Variants in KLRF1 observed in about 807,000 individuals in gnomAD.
The protein encoded by KLRF1 is killer cell lectin-like receptor subfamily F member 1.
KLRF1 carries 27 observed loss-of-function variants against 30.7 expected under a neutral mutation model. The observed-to-expected ratio is 0.88, with a 90% CI of 0.65 to 1.21. The LOEUF (loss-of-function observed/expected upper bound fraction) is 1.21, where lower values mean the gene tolerates loss of function less well. Ranked by LOEUF, KLRF1 falls within the 50% of genes most tolerant of loss-of-function variation. The pLI is 0.00. For synonymous variants in KLRF1, 92 were observed against 89.3 expected (o/e 1.03, Z -0.17); for missense variants, 246 against 259.3 (o/e 0.95, Z 0.35).
At chr12:9,825,258 G>T (rs1867266247), upstream of KLRF1, among the ~76,000 whole-genome samples, 1 of 45,928 alleles carries the variant, frequency 2.2e-5, no homozygotes, top group African/African-American at 6.2e-5. Context: ...ACAAGGTACT[G>T]GTAAAAAAAA....
At chr12:9,836,049 G>T (rs1867568550) in intron 3 of KLRF1, among the ~76,000 whole-genome samples, 1 of 152,016 alleles carries the variant, frequency 6.6e-6, no homozygotes, top group African/African-American at 2.4e-5. Flanking sequence ...GTAGGCGCTG[G>T]AAGAAAGGGA....
chr12:9,812,314 C>G, the KLRF1 span, among the ~76,000 whole-genome samples: 4 of 149,874 alleles, frequency 2.7e-5, no homozygotes, highest in Admixed American at 6.7e-5. Context: ...GCAGTGAGCC[C>G]AGATTGCACC....
chr12:9,836,564 T>C (rs1176474268), intron 3 of KLRF1, among the ~76,000 whole-genome samples: 1 of 152,146 alleles, frequency 6.6e-6, no homozygotes, highest in Admixed American at 6.6e-5. Flanking sequence ...GACATTTGTT[T>C]TATTGTATGA....
chr12:9,803,942 C>T, the KLRF1 span, among the ~76,000 whole-genome samples: 1 of 151,952 alleles, frequency 6.6e-6, no homozygotes, highest in Non-Finnish European at 1.5e-5. Context: ...TCCATATAAA[C>T]CTTAGAATAA....
the KLRF1 span, among the ~76,000 whole-genome samples, chr12:9,808,106 C>CA: frequency 2.0e-5 from 3 of 151,264 alleles, no homozygotes; most frequent in African/African-American, 7.4e-5. Context: ...GTGAGTACTT[C>CA]TTTTTTTTAA....
At chr12:9,804,842 A>G in the KLRF1 span, among the ~76,000 whole-genome samples, 5 of 152,048 alleles carry the variant, frequency 3.3e-5, no homozygotes, top group Admixed American at 6.6e-5. Context: ...TTTTCAGCAT[A>G]GAAGAGTGTT....
At chr12:9,834,287 C>T (rs188263670) in intron 3 of KLRF1, among the ~76,000 whole-genome samples, 2 of 152,196 alleles carry the variant, frequency 1.3e-5, no homozygotes, top group African/African-American at 2.4e-5. Flanking sequence ...GGCGTATATA[C>T]GTTCAGGTCA....
At chr12:9,814,585 G>C in the KLRF1 span, among the ~76,000 whole-genome samples, 1 of 152,038 alleles carries the variant, frequency 6.6e-6, no homozygotes, top group Non-Finnish European at 1.5e-5. Context: ...TGAAGACCCA[G>C]CCTGGCTGCT....
chr12:9,817,618 G>A, the KLRF1 span: 6 of 299,468 alleles, frequency 2.0e-5, no homozygotes, highest in Admixed American at 9.0e-5. Context: ...GAAGGTCCAC[G>A]GTTTTTCTGT....
chr12:9,828,210 G>A lies in KLRF1; in HGVS notation c.85+581G>A, dbSNP rs769249936. ...TTCTCCTGCCTCAGCCTCCTGAGTA[G>A]CTGAGATTATAGGTGCCCGCCACCA... On this transcript the variant is annotated intron_variant, in intron 1 of 5. Coordinates refer to ENST00000617889, the MANE Select transcript of KLRF1 (RefSeq NM_016523.3). 9.9e-5 allele frequency among the ~76,000 whole-genome samples: 15 copies of A among 151,958 alleles called. No individual in the cohort carries two copies. The South Asian group carries it at 2.9e-3, about 29-fold the overall frequency.
chr12:9,837,082 T>C (rs1323545509), intron 3 of KLRF1, among the ~76,000 whole-genome samples: 2 of 152,056 alleles, frequency 1.3e-5, no homozygotes, highest in African/African-American at 4.8e-5. Flanking sequence ...TTCCCAAAAA[T>C]AAATCCCTTA....
the KLRF1 span, chr12:9,817,820 A>T: frequency 5.1e-6 from 1 of 196,916 alleles, no homozygotes; most frequent in African/African-American, 2.4e-5. Flanking sequence ...TTCCTCTCTG[A>T]AACCTCAAGT....
At chr12:9,842,509 C>T (rs983143180) in intron 5 of KLRF1, 76 bp downstream of exon 5, 3 of 1,353,060 alleles carry the variant, frequency 2.2e-6, no homozygotes, top group African/African-American at 1.4e-5. Context: ...CCAAATTCAA[C>T]TCTGAAATAG....
At chr12:9,804,114 A>C in the KLRF1 span, among the ~76,000 whole-genome samples, 1 of 151,916 alleles carries the variant, frequency 6.6e-6, no homozygotes, top group African/African-American at 2.4e-5. Flanking sequence ...TGTCTTTTTT[A>C]TTATAGCTAT....
At chr12:9,823,236 A>C (rs111408184), upstream of KLRF1, among the ~76,000 whole-genome samples, 651 of 144,824 alleles carry the variant, frequency 4.5e-3, 6 homozygotes, top group African/African-American at 0.017. Context: ...AAAAAAAAAA[A>C]CAAAAACTCA....
chr12:9,832,255 C>T, intron 1 of KLRF1, 61 bp from the exon 2 acceptor site: 1 of 869,078 alleles, frequency 1.2e-6, no homozygotes, highest in African/African-American at 1.7e-5. Flanking sequence ...ATTACAATTG[C>T]TATTGTATTA....
At chr12:9,800,369 A>G in the KLRF1 span, among the ~76,000 whole-genome samples, 17 of 152,050 alleles carry the variant, frequency 1.1e-4, no homozygotes, top group Non-Finnish European at 2.2e-4. Context: ...GGATGAATTT[A>G]TATAGTGGTG....
upstream of KLRF1, among the ~76,000 whole-genome samples, chr12:9,825,458 A>T (rs1234752752): frequency 6.6e-6 from 1 of 152,186 alleles, no homozygotes; most frequent in Admixed American, 6.5e-5. Flanking sequence ...GGCTAGCCAC[A>T]TGCTGAAGAT....
intron 4 of KLRF1, 69 bp from the exon 5 acceptor site, chr12:9,842,252 A>G (rs762076873): frequency 1.3e-6 from 2 of 1,566,174 alleles, no homozygotes; most frequent in East Asian, 4.5e-5. Context: ...TTGCAATAAC[A>G]TTTAAAATAT....
Sources: allele counts gnomAD v4.1 joint callset (sites outside exome capture counted in the v4.1 genomes callset), GRCh38; gene constraint gnomAD v4.1.1; transcripts MANE v1.5; gene names NCBI Gene and HGNC (gene_info 2026-07-23, HGNC 2026-07-21).